The following SGSM1 variants were observed in gnomAD, a reference collection of about 807,000 sequenced individuals.
SGSM1 encodes small G protein signaling modulator 1, also known as RUN and TBC1 domain containing 2.
In SGSM1, 73 loss-of-function variants were observed where a neutral mutation model predicts 133.8. That is an observed-to-expected ratio of 0.55 (90% CI 0.45 to 0.66). The LOEUF (loss-of-function observed/expected upper bound fraction) is 0.66, where lower values mean the gene tolerates loss of function less well. Among genes scored for constraint, SGSM1 ranks in the 30% least tolerant of loss-of-function variants. SGSM1 has a pLI of 0.00. For synonymous variants in SGSM1, 563 were observed against 573.0 expected, an observed-to-expected ratio of 0.98 and a Z score of 0.25; for missense variants, 1,213 against 1,448.1, an observed-to-expected ratio of 0.84 and a Z score of 2.64.
At chr22:24,860,208 C>T (rs776911046) in intron 9 of SGSM1, among the ~76,000 whole-genome samples, 21 of 152,288 alleles carry the variant, frequency 1.4e-4, no homozygotes, top group African/African-American at 4.3e-4. Flanking sequence ...GAGGTGTTAG[C>T]GAGCATCTGG....
At chr22:24,890,170 A>T (rs1034780418) in intron 16 of SGSM1, among the ~76,000 whole-genome samples, 1 of 151,290 alleles carries the variant, frequency 6.6e-6, no homozygotes, top group Non-Finnish European at 1.5e-5. Flanking sequence ...GTTAGATAGG[A>T]TGGTCTCGAT....
rs1927360618 is a variant in SGSM1 at position 24,806,220 on chromosome 22, T to A, written c.-106T>A. The stretch of plus-strand genomic sequence containing the variant: ...GCGCCCTCCGGCCGTCACTCAGCGC[T>A]CGGCCCCGCCCCGCCGCGGCTGCAG... On this transcript the variant is annotated 5_prime_UTR_variant, in exon 1 of 25. Coordinates refer to ENST00000400358, the MANE Select transcript of SGSM1 (RefSeq NM_001098497.3). 8.0e-6 allele frequency: 10 copies of A among 1,242,514 alleles called. No individual in the cohort carries two copies. The highest frequency in any genetic ancestry group is 1.0e-5 in the Non-Finnish European group (10 of 992,892). 77.0% of individuals were successfully genotyped at this position (1,242,514 alleles called of 1,614,324 possible).
chr22:24,886,261 T>TCCCA (rs1932593171), intron 15 of SGSM1, among the ~76,000 whole-genome samples: 1 of 151,352 alleles, frequency 6.6e-6, no homozygotes, highest in African/African-American at 2.4e-5. Context: ...ATTAGCTGGA[T>TCCCA]GTGGTGGCAA....
At chr22:24,841,120 G>T (rs903709022) in intron 2 of SGSM1, among the ~76,000 whole-genome samples, 13 of 152,174 alleles carry the variant, frequency 8.5e-5, no homozygotes, top group Non-Finnish European at 1.6e-4. Context: ...AAAGTGCTGG[G>T]ATTACAGGCG....
chr22:24,869,915 A>G (rs9624632), intron 12 of SGSM1, among the ~76,000 whole-genome samples: 17,938 of 152,258 alleles, frequency 0.12, 1,125 homozygotes, highest in South Asian at 0.25. Context: ...AGGGCCTGGC[A>G]TTTATGAAGC....
chr22:24,835,923 A>G (rs1433475161), intron 2 of SGSM1, among the ~76,000 whole-genome samples: 2 of 152,258 alleles, frequency 1.3e-5, no homozygotes, highest in Non-Finnish European at 2.9e-5. Flanking sequence ...TCATTTATTT[A>G]TACTATGTGA....
intron 12 of SGSM1, 61 bp downstream of exon 12, chr22:24,868,916 C>G: frequency 7.0e-6 from 11 of 1,579,372 alleles, no homozygotes; most frequent in Non-Finnish European, 8.6e-6. Flanking sequence ...AAAATGACTC[C>G]AGGTGTTTGA....
chr22:24,817,179 A>G (rs186025905), intron 2 of SGSM1, among the ~76,000 whole-genome samples: 71 of 152,252 alleles, frequency 4.7e-4, no homozygotes, highest in African/African-American at 1.7e-3. Context: ...TGCGGGAGGT[A>G]TACACTCCTG....
At chr22:24,871,763 C>T (rs530967360) in intron 12 of SGSM1, among the ~76,000 whole-genome samples, 1 of 152,170 alleles carries the variant, frequency 6.6e-6, no homozygotes, top group African/African-American at 2.4e-5. Context: ...GGTTTCACTC[C>T]CTTCAGTCTC....
At chr22:24,913,894 T>C (rs1382455908) in intron 22 of SGSM1, among the ~76,000 whole-genome samples, 1 of 151,870 alleles carries the variant, frequency 6.6e-6, no homozygotes, top group Non-Finnish European at 1.5e-5. Flanking sequence ...CGGTGGCTCA[T>C]GCCTGTAATC....
intron 2 of SGSM1, chr22:24,843,632 A>G (rs1929928185): frequency 6.6e-6 from 1 of 152,216 alleles, no homozygotes; most frequent in Non-Finnish European, 1.5e-5. Flanking sequence ...AGGTCCAGAG[A>G]GGAGACGGAC....
chr22:24,851,708 G>A (rs1190185699), intron 5 of SGSM1, among the ~76,000 whole-genome samples: 2 of 152,216 alleles, frequency 1.3e-5, no homozygotes, highest in Non-Finnish European at 2.9e-5. Flanking sequence ...GGGGCGTGGT[G>A]GCGTTGATAA....
chr22:24,924,640 G>A lies in SGSM1; in HGVS notation c.*366G>A. The A allele has an allele frequency of 7.7e-6, 2 of 258,342 alleles. No homozygotes were observed. The highest frequency in any genetic ancestry group is 1.5e-5 in the Non-Finnish European group (2 of 133,586). 16.0% of individuals were successfully genotyped at this position (258,342 alleles called of 1,614,324 possible). A position where few individuals can be genotyped will look rare whatever the true frequency, so the allele number is the denominator to read the frequency against. ...ACTGTCTTGTAAGATGAGACCTGGG[G>A]AGGAAACTTCTTTTTGGAAATTGGT... On this transcript the variant is annotated 3_prime_UTR_variant, in exon 25 of 25. Transcript: ENST00000400358.
chr22:24,871,755 T>C (rs375237294), intron 12 of SGSM1, among the ~76,000 whole-genome samples: 1 of 152,256 alleles, frequency 6.6e-6, no homozygotes. Flanking sequence ...GGCATTGTGG[T>C]TTCACTCCCT....
chr22:24,830,475 G>A (rs1459651169), intron 2 of SGSM1, among the ~76,000 whole-genome samples: 1 of 152,202 alleles, frequency 6.6e-6, no homozygotes, highest in Non-Finnish European at 1.5e-5. Context: ...TTGAGACAGT[G>A]TGTGAATACT....
chr22:24,886,589 A>C lies in SGSM1; in HGVS notation c.1642-11A>C, dbSNP rs1368803521. Reference sequence around the variant, plus strand: ...TTGACCAAACTCTTTGCTCCTCTCCACCCACCACAGAGTTACGAGGAGCAG... The same window carrying C: ...TTGACCAAACTCTTTGCTCCTCTCCCCCCACCACAGAGTTACGAGGAGCAG... On this transcript the variant is annotated splice_polypyrimidine_tract_variant and intron_variant, in intron 15 of 24. Coordinates refer to ENST00000400358, the MANE Select transcript of SGSM1 (RefSeq NM_001098497.3). 1.9e-6 allele frequency: 3 copies of C among 1,551,370 alleles called. No homozygotes were observed.
In SGSM1 at chr22:24,868,487, G is replaced by A; in HGVS notation, c.1106G>A (p.Gly369Glu). 1 of 1,613,770 alleles carries A rather than the reference G, an allele frequency of 6.2e-7. No individual in the cohort carries two copies. The highest frequency in any genetic ancestry group is 8.5e-7 in the Non-Finnish European group (1 of 1,179,862). The part of the protein sequence containing the change: ...LLQFLSCLEN[G>E]LLPHGQLDPP... The stretch of plus-strand genomic sequence containing the variant: ...CAGTTCCTCTCGTGCCTGGAGAATG[G>A]GCTGCTCCCACATGGGCAGTTGGAC... The change falls in exon 11 of 25, where the codon GGG becomes GAG. Residue 369 changes from glycine (G) to glutamate (E), a missense_variant. Transcript: ENST00000400358.
intron 14 of SGSM1, 35 bp downstream of exon 14, chr22:24,879,561 T>C (rs764887509): frequency 6.2e-7 from 1 of 1,601,544 alleles, no homozygotes; most frequent in Non-Finnish European, 8.5e-7. Context: ...TGTGTCTCCG[T>C]GGAGCAGCTA....
At chr22:24,874,730 A>G (rs1012641929) in intron 12 of SGSM1, among the ~76,000 whole-genome samples, 1 of 152,198 alleles carries the variant, frequency 6.6e-6, no homozygotes, top group African/African-American at 2.4e-5. Flanking sequence ...CCTCCACTCT[A>G]TGGAAGGCAG....
Sources: allele counts gnomAD v4.1 joint callset (sites outside exome capture counted in the v4.1 genomes callset), GRCh38; gene constraint gnomAD v4.1.1; transcripts MANE v1.5; gene names NCBI Gene and HGNC (gene_info 2026-07-23, HGNC 2026-07-21).